The following PLPP4 variants were observed in gnomAD, a reference collection of about 807,000 sequenced individuals.
PLPP4 encodes phospholipid phosphatase 4.
A neutral mutation model predicts 32.2 loss-of-function variants in PLPP4; 20 were observed. The ratio of observed to expected loss-of-function variants is 0.62; its 90% confidence interval spans 0.44 to 0.90. The LOEUF (loss-of-function observed/expected upper bound fraction) is 0.90, where lower values mean the gene tolerates loss of function less well. PLPP4 is among the 40% of genes least tolerant of loss of function. The pLI, the probability that PLPP4 is intolerant of heterozygous loss-of-function variation, is 0.00. For missense variants in PLPP4, 257 were observed against 353.1 expected (o/e 0.73, Z 2.18); for synonymous variants, 127 against 133.0 (o/e 0.95, Z 0.31).
chr10:120,548,945 C>T (rs190229408), intron 5 of PLPP4, among the ~76,000 whole-genome samples: 33 of 151,868 alleles, frequency 2.2e-4, no homozygotes, highest in Admixed American at 3.3e-4. Context: ...CTTATAAATT[C>T]GTTTAAGTTC....
chr10:120,589,477 A>G lies in PLPP4; in HGVS notation c.791A>G (p.Glu264Gly). The G allele has an allele frequency of 6.2e-7, 1 of 1,614,166 alleles. No individual in the cohort carries two copies. Residue 264 changes from glutamate to glycine, a missense_variant, in exon 7 of 7, where the codon GAG becomes GGG. Physicochemically the swap from Glu to Gly is moderately conservative, Grantham distance 98. Coordinates refer to ENST00000398250, the MANE Select transcript of PLPP4 (RefSeq NM_001030059.3). ...TADSAPSLPL[E>G]GITEGPV ...GACAGCGCACCCAGCTTGCCTCTGG[A>G]GGGGATCACCGAAGGCCCGGTATGA...
intron 5 of PLPP4, among the ~76,000 whole-genome samples, chr10:120,556,223 C>T (rs1848158922): frequency 1.3e-5 from 2 of 152,194 alleles, no homozygotes; most frequent in African/African-American, 4.8e-5. Flanking sequence ...TGCAAAGACT[C>T]CTGGAAGTAA....
Position 120,553,854 on chromosome 10 carries a change from G to A in PLPP4, c.446-21277G>A, listed in dbSNP as rs565011080. On this transcript the variant is annotated intron_variant, in intron 5 of 6. Transcript: ENST00000398250. ...CAGTGAGGCCCTGGGCCTGGCCCAC[G>A]AGAAACTATTCTTCTCTCCTAGGGA... Among the ~76,000 whole-genome samples the A allele has an allele frequency of 6.2e-4, 94 of 152,302 alleles. 1 individual carries two copies. The highest frequency in any genetic ancestry group is 2.1e-3 in the African/African-American group (86 of 41,582).
At chr10:120,473,777 C>G (rs1315647365) in intron 1 of PLPP4, among the ~76,000 whole-genome samples, 1 of 152,132 alleles carries the variant, frequency 6.6e-6, no homozygotes, top group African/African-American at 2.4e-5. Context: ...TTCACTCTCT[C>G]TCTCCCCTGC....
rs1003201289 is a variant in PLPP4 at position 120,564,946 on chromosome 10, T to G, written c.446-10185T>G. Among the ~76,000 whole-genome samples the G allele has an allele frequency of 2.0e-4, 31 of 152,158 alleles. 1 individual carries two copies. Among genetic ancestry groups the G allele is most frequent in the African/African-American group, 7.2e-4 (30 of 41,448 alleles). On this transcript the variant is annotated intron_variant, in intron 5 of 6. Transcript: ENST00000398250. The stretch of plus-strand genomic sequence containing the variant: ...CGTATATTCTTTATATACTTCTTTG[T>G]CCTTTCTTATACTGTTTTTATGTCT...
At chr10:120,576,293 C>A (rs1849220372) in intron 6 of PLPP4, among the ~76,000 whole-genome samples, 1 of 152,226 alleles carries the variant, frequency 6.6e-6, no homozygotes. Flanking sequence ...CAAACCTCCT[C>A]TCCCTTTCTT....
intron 5 of PLPP4, among the ~76,000 whole-genome samples, chr10:120,531,401 G>A (rs1288950204): frequency 2.0e-5 from 3 of 152,142 alleles, no homozygotes; most frequent in East Asian, 3.9e-4. Flanking sequence ...ACCGTGCCTG[G>A]CAGCCTTTTA....
chr10:120,521,187 C>A, intron 5 of PLPP4, 92 bp downstream of exon 5: 1 of 1,478,420 alleles, frequency 6.8e-7, no homozygotes, highest in Non-Finnish European at 9.2e-7. Context: ...AGCACTGGTA[C>A]AGGAATGTTA....
chr10:120,525,045 G>A (rs1016326694), intron 5 of PLPP4, among the ~76,000 whole-genome samples: 3 of 152,202 alleles, frequency 2.0e-5, no homozygotes, highest in Non-Finnish European at 4.4e-5. Context: ...AGGTGTCAGC[G>A]AATGACAGCA....
At chr10:120,572,158 G>A (rs780052804) in intron 5 of PLPP4, among the ~76,000 whole-genome samples, 2 of 152,204 alleles carry the variant, frequency 1.3e-5, no homozygotes, top group Non-Finnish European at 2.9e-5. Context: ...CACAGTGGTG[G>A]TCCTGGCTCC....
intron 2 of PLPP4, among the ~76,000 whole-genome samples, chr10:120,512,017 C>A (rs938357025): frequency 3.9e-5 from 6 of 152,010 alleles, no homozygotes; most frequent in Non-Finnish European, 8.8e-5. Context: ...TGGCGTGAAC[C>A]CAGGAGGCAG....
chr10:120,484,465 G>T (rs1844350489), intron 1 of PLPP4, among the ~76,000 whole-genome samples: 1 of 152,182 alleles, frequency 6.6e-6, no homozygotes, highest in African/African-American at 2.4e-5. Context: ...CCATCCCATG[G>T]CAGAAGGTGA....
intron 6 of PLPP4, chr10:120,581,040 T>C (rs1436284741): frequency 7.8e-7 from 1 of 1,288,428 alleles, no homozygotes; most frequent in Non-Finnish European, 1.0e-6. Flanking sequence ...GTAAGAAGCC[T>C]CAGCCCCTGG....
intron 5 of PLPP4, among the ~76,000 whole-genome samples, chr10:120,529,922 A>G (rs1846622829): frequency 6.6e-6 from 1 of 152,210 alleles, no homozygotes; most frequent in African/African-American, 2.4e-5. Context: ...TCTGCACTCC[A>G]GCCTGGGCAA....
chr10:120,476,783 A>C (rs565616656), intron 1 of PLPP4, among the ~76,000 whole-genome samples: 1 of 152,292 alleles, frequency 6.6e-6, no homozygotes, highest in South Asian at 2.1e-4. Context: ...TGCCTACTGG[A>C]TGGGGTTCTC....
At chr10:120,553,297 T>A (rs187314855) in intron 5 of PLPP4, among the ~76,000 whole-genome samples, 1 of 152,240 alleles carries the variant, frequency 6.6e-6, no homozygotes, top group African/African-American at 2.4e-5. Flanking sequence ...TGAGAGGTGA[T>A]TAAGTCATAG....
chr10:120,470,282 A>G (rs536955213), intron 1 of PLPP4, among the ~76,000 whole-genome samples: 1 of 152,224 alleles, frequency 6.6e-6, no homozygotes, highest in East Asian at 1.9e-4. Flanking sequence ...CTGTGTTTCT[A>G]TTGGATCTCT....
chr10:120,464,666 C>T (rs1290477916), intron 1 of PLPP4, among the ~76,000 whole-genome samples: 1 of 152,180 alleles, frequency 6.6e-6, no homozygotes. Context: ...CGAATTGAAG[C>T]GCTCTCAGCA....
Position 120,481,936 on chromosome 10 carries a change from G to A in PLPP4, c.57-21882G>A, listed in dbSNP as rs1411014084. Among the ~76,000 whole-genome samples the A allele has an allele frequency of 3.3e-5, 5 of 152,282 alleles. 1 individual carries two copies. In the Middle Eastern group the frequency reaches 0.014, roughly 414 times the overall value. ...AGATCTGATGGTTCTATAAGGGGGG[G>A]TTTCCCACACAAGCTCTCTCTTTGC... On this transcript the variant is annotated intron_variant, in intron 1 of 6. Coordinates refer to ENST00000398250, the MANE Select transcript of PLPP4 (RefSeq NM_001030059.3).
Sources: allele counts gnomAD v4.1 joint callset (sites outside exome capture counted in the v4.1 genomes callset), GRCh38; gene constraint gnomAD v4.1.1; transcripts MANE v1.5; gene names NCBI Gene and HGNC (gene_info 2026-07-23, HGNC 2026-07-21).